STK32A: variants seen among roughly 807,000 people sequenced by gnomAD.
STK32A encodes the protein serine/threonine-protein kinase 32A.
A neutral mutation model predicts 53.2 loss-of-function variants in STK32A; 41 were observed. The observed-to-expected ratio is 0.77, with a 90% CI of 0.60 to 1.00. The LOEUF (loss-of-function observed/expected upper bound fraction) is 1.00. Ranked by LOEUF, STK32A falls within the 50% of genes least tolerant of loss-of-function variation. The pLI is 0.00. For missense variants in STK32A, 458 were observed against 485.8 expected (o/e 0.94, Z 0.54); for synonymous variants, 166 against 162.8 (o/e 1.02, Z -0.15).
At chr5:147,252,420 GC>G (rs952152343) in intron 2 of STK32A, among the ~76,000 whole-genome samples, 2 of 152,082 alleles carry the variant, frequency 1.3e-5, no homozygotes, top group Non-Finnish European at 2.9e-5. Context: ...ACTAGAATTG[GC>G]CTGATTGCTT....
intron 5 of STK32A, among the ~76,000 whole-genome samples, chr5:147,333,612 A>T (rs1250786396): frequency 6.6e-6 from 1 of 152,226 alleles, no homozygotes; most frequent in African/African-American, 2.4e-5. Flanking sequence ...GGCTGTGGTG[A>T]TGATATATTC....
At chr5:147,343,436 TG>T (rs1755537975) in intron 6 of STK32A, among the ~76,000 whole-genome samples, 1 of 152,242 alleles carries the variant, frequency 6.6e-6, no homozygotes, top group Admixed American at 6.5e-5. Context: ...TAGACATTAA[TG>T]ACATTATTTT....
intron 4 of STK32A, among the ~76,000 whole-genome samples, chr5:147,293,842 A>G (rs1752727373): frequency 6.6e-6 from 1 of 151,956 alleles, no homozygotes; most frequent in Non-Finnish European, 1.5e-5. Context: ...GTTTAATCAA[A>G]AGGCAAACAA....
chr5:147,384,489 G>A lies in STK32A; in HGVS notation c.*506G>A. On this transcript the variant is annotated 3_prime_UTR_variant, in exon 13 of 13. Coordinates refer to ENST00000397936, the MANE Select transcript of STK32A (RefSeq NM_001112724.2). ...GATAAAGATAAGGAATTCTATCAGG[G>A]AGGCATGAATGGAATCAGATTAAAA... The A allele has an allele frequency of 7.0e-7, 1 of 1,420,278 alleles. No individual in the cohort carries two copies. The highest frequency in any genetic ancestry group is 9.6e-7 in the Non-Finnish European group (1 of 1,045,506). 88.0% of individuals were successfully genotyped at this position (1,420,278 alleles called of 1,614,324 possible).
At chr5:147,394,670 GAAC>G in the STK32A span, among the ~76,000 whole-genome samples, 3 of 146,130 alleles carry the variant, frequency 2.1e-5, no homozygotes, top group African/African-American at 5.1e-5. Context: ...GGTAGCCAGA[GAAC>G]AACAACAACA....
chr5:147,318,214 T>C (rs1486264730), intron 4 of STK32A, among the ~76,000 whole-genome samples: 1 of 152,176 alleles, frequency 6.6e-6, no homozygotes, highest in African/African-American at 2.4e-5. Flanking sequence ...TTACAACATA[T>C]TGTGGAAAAC....
intron 4 of STK32A, among the ~76,000 whole-genome samples, chr5:147,317,483 A>G (rs1234785586): frequency 1.3e-5 from 2 of 151,800 alleles, no homozygotes; most frequent in East Asian, 3.9e-4. Context: ...GCGCGCCACC[A>G]TGCCCAGCTA....
intron 5 of STK32A, among the ~76,000 whole-genome samples, chr5:147,340,716 C>G (rs191104973): frequency 2.3e-4 from 35 of 152,248 alleles, no homozygotes; most frequent in African/African-American, 7.2e-4. Context: ...ATACATTTTT[C>G]TTAAATTTTT....
intron 4 of STK32A, among the ~76,000 whole-genome samples, chr5:147,289,259 AC>A (rs1227061917): frequency 6.6e-6 from 1 of 152,184 alleles, no homozygotes; most frequent in Non-Finnish European, 1.5e-5. Context: ...CCTGAGTTTA[AC>A]TATTAGATTT....
intron 2 of STK32A, among the ~76,000 whole-genome samples, chr5:147,251,734 T>C (rs1351298252): frequency 6.6e-6 from 1 of 152,060 alleles, no homozygotes; most frequent in Non-Finnish European, 1.5e-5. Flanking sequence ...GTAACTCACA[T>C]GCATATGCCT....
intron 4 of STK32A, among the ~76,000 whole-genome samples, chr5:147,311,685 ACCT>A (rs796399854): frequency 2.6e-5 from 4 of 152,018 alleles, no homozygotes; most frequent in African/African-American, 9.6e-5. Flanking sequence ...TCTCACCTCA[ACCT>A]CCTAAGTAGC....
In STK32A at chr5:147,242,872, G is replaced by A. The variant is rs528115220; in HGVS notation, c.52+3186G>A. On this transcript the variant is annotated intron_variant, in intron 2 of 12. Coordinates refer to ENST00000397936, the MANE Select transcript of STK32A (RefSeq NM_001112724.2). Reference sequence around the variant, plus strand: ...GACTCTTCACATAAATCTGGATTGAGCACAAGGTAAAATTGTATCTGATTG... The same window carrying A: ...GACTCTTCACATAAATCTGGATTGAACACAAGGTAAAATTGTATCTGATTG... Among the ~76,000 whole-genome samples, 6 of 152,246 alleles carry A rather than the reference G, an allele frequency of 3.9e-5. No homozygotes were observed. The East Asian group carries it at 7.7e-4, about 20-fold the overall frequency.
chr5:147,246,784 C>T (rs553309056), intron 2 of STK32A, among the ~76,000 whole-genome samples: 1 of 152,146 alleles, frequency 6.6e-6, no homozygotes, highest in Admixed American at 6.5e-5. Flanking sequence ...TAAGTTTTTC[C>T]TTACAAGTTT....
At chr5:147,306,639 T>C (rs1246925300) in intron 4 of STK32A, among the ~76,000 whole-genome samples, 1 of 151,920 alleles carries the variant, frequency 6.6e-6, no homozygotes, top group Non-Finnish European at 1.5e-5. Flanking sequence ...TGACATGTGT[T>C]AGCTTCCTAG....
intron 2 of STK32A, among the ~76,000 whole-genome samples, chr5:147,274,755 T>C (rs76535160): frequency 0.052 from 7,873 of 152,258 alleles, 263 homozygotes; most frequent in South Asian, 0.085. Flanking sequence ...AAGTATATAT[T>C]ATTTTCATCC....
chr5:147,367,206 C>T (rs1756792343), intron 8 of STK32A, among the ~76,000 whole-genome samples: 1 of 151,928 alleles, frequency 6.6e-6, no homozygotes, highest in Non-Finnish European at 1.5e-5. Flanking sequence ...GCTGGGACTA[C>T]AGGCATATGC....
chr5:147,331,774 G>A (rs570413466), intron 5 of STK32A, among the ~76,000 whole-genome samples: 37 of 152,268 alleles, frequency 2.4e-4, no homozygotes, highest in East Asian at 1.5e-3. Flanking sequence ...AGATGATGTG[G>A]ATGTAGAGAG....
intron 4 of STK32A, among the ~76,000 whole-genome samples, chr5:147,323,296 A>G (rs1754408076): frequency 6.6e-6 from 1 of 152,166 alleles, no homozygotes; most frequent in African/African-American, 2.4e-5. Context: ...CTCAAAATTG[A>G]GCTCTGGTTT....
At chr5:147,379,486 T>C (rs1200292849) in intron 11 of STK32A, among the ~76,000 whole-genome samples, 2 of 152,114 alleles carry the variant, frequency 1.3e-5, no homozygotes, top group Non-Finnish European at 2.9e-5. Flanking sequence ...TTAGTGCATG[T>C]AAAGTGCTCC....
Sources: allele counts gnomAD v4.1 joint callset (sites outside exome capture counted in the v4.1 genomes callset), GRCh38; gene constraint gnomAD v4.1.1; transcripts MANE v1.5; gene names NCBI Gene and HGNC (gene_info 2026-07-23, HGNC 2026-07-21).